UBE2T: variants seen among roughly 807,000 people sequenced by gnomAD.
UBE2T encodes the protein ubiquitin conjugating enzyme E2 T.
In UBE2T, 15 loss-of-function variants were observed where a neutral mutation model predicts 23.3. The ratio of observed to expected loss-of-function variants is 0.64; its 90% confidence interval spans 0.43 to 0.99. The LOEUF (loss-of-function observed/expected upper bound fraction) is 0.99. Among genes scored for constraint, UBE2T ranks in the 50% least tolerant of loss-of-function variants. The pLI, the probability that UBE2T is intolerant of heterozygous loss-of-function variation, is 0.00. For synonymous variants in UBE2T, 67 were observed against 78.4 expected (o/e 0.85, Z 0.77); for missense variants, 197 against 234.9 (o/e 0.84, Z 1.05).
chr1:202,337,198 C>T lies in UBE2T; in HGVS notation c.-64-1380G>A, dbSNP rs7513534. On this transcript the variant is annotated intron_variant, in intron 1 of 6. Transcript: ENST00000646651. ...CCTCGTGATCCACCCACCTCAGCCT[C>T]CCAAAGTGCTAGGATTACAGGCGTG... Among the ~76,000 whole-genome samples the T allele has an allele frequency of 6.0e-3, 915 of 152,292 alleles. 8 individuals are homozygous for T. Among genetic ancestry groups the T allele is most frequent in the African/African-American group, 0.021 (878 of 41,548 alleles).
chr1:202,332,724 C>T (rs1056858589), intron 6 of UBE2T, among the ~76,000 whole-genome samples: 7 of 150,186 alleles, frequency 4.7e-5, no homozygotes, highest in Non-Finnish European at 8.9e-5. Context: ...CCGGCTAAAA[C>T]GGTGAAACCC....
rs1313273960 is a variant in UBE2T, at chr1:202,335,719, G to A, written c.36C>T (p.His12=). The A allele has an allele frequency of 3.1e-6, 5 of 1,614,030 alleles. No homozygotes were observed. Among genetic ancestry groups the A allele is most frequent in the Admixed American group, 3.3e-5 (2 of 59,996 alleles). Reference sequence around the variant, plus strand: ...CTGGGGGTGGCTCTGTGGCTAACATGTGCAGCTCTCTCTTCAGACGTGAAG... The same window carrying A: ...CTGGGGGTGGCTCTGTGGCTAACATATGCAGCTCTCTCTTCAGACGTGAAG... ...QRASRLKREL[H]MLATEPPPGI... The change falls in exon 2 of 7, where the codon CAC becomes CAT. Residue 12 remains histidine (H), a synonymous_variant. Coordinates refer to ENST00000646651, the MANE Select transcript of UBE2T (RefSeq NM_014176.4). This position sits in a 1 kb window ranked among gnomAD's most constrained non-coding sequence, Gnocchi z 4.0.
Position 202,335,171 on chromosome 1 carries a change from A to G in UBE2T, c.110-113T>C. 1.2e-6 allele frequency: 1 copy of G among 830,352 alleles called. No individual in the cohort carries two copies. Among genetic ancestry groups the G allele is most frequent in the Non-Finnish European group, 1.9e-6 (1 of 533,372 alleles). 51.4% of individuals were successfully genotyped at this position (830,352 alleles called of 1,614,324 possible). On this transcript the variant is annotated intron_variant, in intron 2 of 6. Transcript: ENST00000646651. This position sits in a 1 kb window ranked among gnomAD's most constrained non-coding sequence, Gnocchi z 4.0. ...ATAGAGAAACTAGGCCTAGGACAAT[A>G]ATTCTCTGCCAGGACTTTAACAAGT...
intron 1 of UBE2T, among the ~76,000 whole-genome samples, chr1:202,336,211 T>A (rs1313743274): frequency 8.5e-4 from 1 of 1,170 alleles, no homozygotes; most frequent in African/African-American, 1.2e-3. Context: ...TGCACCCAGC[T>A]TTTTTTTTTT....
In UBE2T at chr1:202,331,747, C is replaced by T. The variant is rs1654749250; in HGVS notation, c.*88G>A. The T allele has an allele frequency of 2.7e-6, 4 of 1,508,472 alleles. No individual in the cohort carries two copies. The highest frequency in any genetic ancestry group is 3.6e-6 in the Non-Finnish European group (4 of 1,107,410). 93.4% of individuals were successfully genotyped at this position (1,508,472 alleles called of 1,614,324 possible). ...ATAAACTACACAAAAATTATGTCATCAAATATATTTAAAAAAAAATTCAAG... is the reference window on the plus strand; with the variant it reads ...ATAAACTACACAAAAATTATGTCATTAAATATATTTAAAAAAAAATTCAAG... On this transcript the variant is annotated 3_prime_UTR_variant, in exon 7 of 7. Transcript: ENST00000646651.
At chr1:202,338,735 T>C (rs2030973) in intron 1 of UBE2T, among the ~76,000 whole-genome samples, 62,630 of 151,974 alleles carry the variant, frequency 0.41, 14,837 homozygotes, top group East Asian at 0.69. Context: ...GGGCCAAGCA[T>C]GCTGGCATGA....
chr1:202,340,719 A>G (rs769682662), intron 1 of UBE2T, among the ~76,000 whole-genome samples: 1 of 152,210 alleles, frequency 6.6e-6, no homozygotes, highest in Non-Finnish European at 1.5e-5. Flanking sequence ...CTGTACAGTA[A>G]AAGTATCACA....
chr1:202,332,158 C>A (rs1654766334), intron 6 of UBE2T, among the ~76,000 whole-genome samples, 198 bp from the exon 7 acceptor site: 1 of 152,160 alleles, frequency 6.6e-6, no homozygotes, highest in South Asian at 2.1e-4. Flanking sequence ...AGTAACACCA[C>A]TGCTATTTAA....
intron 1 of UBE2T, among the ~76,000 whole-genome samples, chr1:202,336,966 C>G (rs142468390): frequency 2.0e-5 from 3 of 152,276 alleles, no homozygotes; most frequent in Admixed American, 2.0e-4. Flanking sequence ...GTTTTTTAGA[C>G]GGAGTCTCGG....
At chr1:202,338,873 AAAC>A (rs1336293211) in intron 1 of UBE2T, among the ~76,000 whole-genome samples, 1 of 151,524 alleles carries the variant, frequency 6.6e-6, no homozygotes, top group Non-Finnish European at 1.5e-5. Context: ...GACCCTGTCT[AAAC>A]AACAGCCAAA....
In UBE2T at chr1:202,333,296, T is replaced by C; in HGVS notation, c.325A>G (p.Thr109Ala). ...RPSLNIATVLTSIQLLMSEPN... is the reference protein window; with the variant it reads ...RPSLNIATVLASIQLLMSEPN... ...TCTGACATGAGCAGCTGAATAGAGG[T>C]CAACACAGTTGCGATGTTGAGGGAT... The change falls in exon 5 of 7, where the codon ACC becomes GCC. Residue 109 changes from threonine to alanine, a missense_variant. Thr to Ala is a moderately conservative substitution (Grantham distance 58). Transcript: ENST00000646651. The C allele has an allele frequency of 6.2e-7, 1 of 1,614,076 alleles. No homozygotes were observed. The highest frequency in any genetic ancestry group is 8.5e-7 in the Non-Finnish European group (1 of 1,180,020).
Position 202,333,017 on chromosome 1 carries a change from TTC to T in UBE2T, c.459_460del (p.Lys154ThrfsTer4). The T allele has an allele frequency of 6.2e-7, 1 of 1,612,578 alleles. No individual in the cohort carries two copies. Among genetic ancestry groups the T allele is most frequent in the South Asian group, 1.1e-5 (1 of 91,050 alleles). Reference sequence around the variant, plus strand: ...TAGTAGCAAACATTATACCTTTTGTTTCTGTCTTGCATGCTTCTCTGTCCACT... The same window carrying T: ...TAGTAGCAAACATTATACCTTTTGTTTGTCTTGCATGCTTCTCTGTCCACT... On this transcript the variant is annotated frameshift_variant, in exon 6 of 7. Transcript: ENST00000646651. LOFTEE classifies it low-confidence loss of function (END_TRUNC).
intron 1 of UBE2T, among the ~76,000 whole-genome samples, chr1:202,337,763 G>A (rs947699442): frequency 1.4e-4 from 22 of 152,110 alleles, no homozygotes; most frequent in African/African-American, 5.3e-4. Context: ...GGTATAACTG[G>A]CAAATACAAA....
At chr1:202,339,399 G>C (rs563055576) in intron 1 of UBE2T, among the ~76,000 whole-genome samples, 1 of 151,248 alleles carries the variant, frequency 6.6e-6, no homozygotes, top group East Asian at 1.9e-4. Context: ...TCTTTTCTTT[G>C]ATCAGTCTTG....
Position 202,333,014 on chromosome 1 carries a change from T to A in UBE2T, c.464A>T (p.Gln155Leu). 6.2e-7 allele frequency: 1 copy of A among 1,611,662 alleles called. No individual in the cohort carries two copies. The highest frequency in any genetic ancestry group is 2.2e-5 in the East Asian group (1 of 44,854). The change falls in exon 6 of 7, where the codon CAA (glutamine) becomes CTA (leucine). Residue 155 changes from glutamine (Q) to leucine (L), a missense_variant. Transcript: ENST00000646651. ...QWTEKHARQK[Q>L]KADEEEMLDN... ...CAATAGTAGCAAACATTATACCTTT[T>A]GTTTCTGTCTTGCATGCTTCTCTGT...
chr1:202,333,095 T>A lies in UBE2T; in HGVS notation c.385-2A>T. ...CTTATTATATTTAAATTCTGAGGACTGAGATGAAATCAAAGAAAAGAGTTA... is the reference window on the plus strand; with the variant it reads ...CTTATTATATTTAAATTCTGAGGACAGAGATGAAATCAAAGAAAAGAGTTA... On this transcript the variant is annotated splice_acceptor_variant, in intron 5 of 6. Transcript: ENST00000646651. LOFTEE classifies it high-confidence loss of function. The A allele has an allele frequency of 6.2e-7, 1 of 1,613,246 alleles. No homozygotes were observed. Among genetic ancestry groups the A allele is most frequent in the Non-Finnish European group, 8.5e-7 (1 of 1,179,304 alleles).
In UBE2T at chr1:202,333,266, T is replaced by C; in HGVS notation, c.355A>G (p.Asn119Asp). The change falls in exon 5 of 7, where the codon AAC (asparagine) becomes GAC (aspartate). Residue 119 changes from asparagine to aspartate, a missense_variant. Transcript: ENST00000646651. The part of the protein sequence containing the change: ...TSIQLLMSEP[N>D]PDDPLMADIS... ...TCAGCCATGAGCGGGTCATCAGGGT[T>C]GGGTTCTGACATGAGCAGCTGAATA... The C allele has an allele frequency of 6.2e-7, 1 of 1,614,206 alleles. No homozygotes were observed. Among genetic ancestry groups the C allele is most frequent in the Non-Finnish European group, 8.5e-7 (1 of 1,180,038 alleles).
At chr1:202,332,075 G>GT in intron 6 of UBE2T, 115 bp from the exon 7 acceptor site, 1 of 1,306,746 alleles carries the variant, frequency 7.7e-7, no homozygotes, top group Non-Finnish European at 1.0e-6. Context: ...TTTAAATACA[G>GT]TATTATGCAT....
intron 3 of UBE2T, among the ~76,000 whole-genome samples, chr1:202,334,176 TA>T (rs1263986749): frequency 5.8e-4 from 89 of 152,276 alleles, no homozygotes; most frequent in African/African-American, 2.0e-3. Flanking sequence ...CCCCGTTCTG[TA>T]CAAAACTACA....
Sources: allele counts gnomAD v4.1 joint callset (sites outside exome capture counted in the v4.1 genomes callset), GRCh38; gene constraint gnomAD v4.1.1; non-coding constraint Gnocchi (gnomAD v3.1); transcripts MANE v1.5; gene names NCBI Gene and HGNC (gene_info 2026-07-23, HGNC 2026-07-21).